Variants in WARS2 observed in about 807,000 individuals in gnomAD.
The protein encoded by WARS2 is tryptophan--tRNA ligase, mitochondrial.
WARS2 carries 28 observed loss-of-function variants against 36.5 expected under a neutral mutation model. The observed-to-expected ratio is 0.77, with a 90% CI of 0.57 to 1.05. The LOEUF is 1.05. Among genes scored for constraint, WARS2 ranks in the 50% least tolerant of loss-of-function variants. The pLI is 0.00. For synonymous variants in WARS2, 174 were observed against 178.4 expected (o/e 0.98, Z 0.20); for missense variants, 435 against 456.8 (o/e 0.95, Z 0.44).
At chr1:119,070,668 A>G (rs1001104419) in intron 2 of WARS2, among the ~76,000 whole-genome samples, 2 of 152,010 alleles carry the variant, frequency 1.3e-5, no homozygotes, top group Non-Finnish European at 2.9e-5. Context: ...GCTTGAGCCC[A>G]GGAGTTTGGG....
At chr1:119,051,337 T>A (rs149198201) in intron 2 of WARS2, among the ~76,000 whole-genome samples, 3,083 of 152,294 alleles carry the variant, frequency 0.02, 88 homozygotes, top group African/African-American at 0.07. Flanking sequence ...TCCAGCTCCG[T>A]CCATGTTCCT....
intron 2 of WARS2, among the ~76,000 whole-genome samples, chr1:119,057,472 C>G (rs1328909969): frequency 1.3e-5 from 2 of 151,706 alleles, no homozygotes; most frequent in African/African-American, 4.8e-5. Context: ...TGTGAAATGT[C>G]TACTCAAATA....
At chr1:119,109,405 T>C (rs1429272893) in intron 1 of WARS2, among the ~76,000 whole-genome samples, 1 of 152,010 alleles carries the variant, frequency 6.6e-6, no homozygotes, top group South Asian at 2.1e-4. Flanking sequence ...GATTATCATG[T>C]CTTTTTAGAG....
chr1:119,101,029 GGAAA>G (rs2101456041), intron 1 of WARS2, among the ~76,000 whole-genome samples: 1 of 152,228 alleles, frequency 6.6e-6, no homozygotes, highest in East Asian at 1.9e-4. Context: ...AGTAAAGAGT[GGAAA>G]GATAGATAAC....
intron 2 of WARS2, among the ~76,000 whole-genome samples, chr1:119,058,868 C>T (rs966914327): frequency 3.0e-4 from 45 of 148,766 alleles, no homozygotes; most frequent in Admixed American, 5.3e-4. Context: ...GTTCTAGATC[C>T]CTGAGGAATC....
chr1:119,119,124 A>G (rs1655173856), intron 1 of WARS2, among the ~76,000 whole-genome samples: 1 of 152,170 alleles, frequency 6.6e-6, no homozygotes, highest in African/African-American at 2.4e-5. Flanking sequence ...CTTAAAAGAT[A>G]CAGAATGGGA....
At chr1:119,047,579 TA>T (rs954108116) in intron 2 of WARS2, 1 of 152,178 alleles carries the variant, frequency 6.6e-6, no homozygotes, top group African/African-American at 2.4e-5. Flanking sequence ...AAAAAGTAGG[TA>T]AAAGGTCAAT....
chr1:119,085,176 G>C, intron 1 of WARS2: 1 of 802,140 alleles, frequency 1.2e-6, no homozygotes, highest in East Asian at 2.4e-5. Flanking sequence ...CTTATCCCTG[G>C]TCTTTTCTTC....
chr1:119,098,114 T>C (rs1299505438), intron 1 of WARS2, among the ~76,000 whole-genome samples: 1 of 151,980 alleles, frequency 6.6e-6, no homozygotes, highest in Non-Finnish European at 1.5e-5. Context: ...CCGAGCATGG[T>C]GGCACAGACC....
intron 1 of WARS2, chr1:119,085,177 T>C: frequency 1.2e-6 from 1 of 801,246 alleles, no homozygotes; most frequent in Non-Finnish European, 2.3e-6. Flanking sequence ...TTATCCCTGG[T>C]CTTTTCTTCT....
chr1:119,040,089 C>T lies in WARS2; in HGVS notation c.515+2175G>A, dbSNP rs145554653. ...TTAAAAATCAAACCTGAGTTTAAAT[C>T]CTGACTCTGCTACTTATTATTGAGC... is the stretch of plus-strand genomic sequence containing the variant. On this transcript the variant is annotated intron_variant, in intron 4 of 5. Transcript: ENST00000235521. 2.3e-3 allele frequency among the ~76,000 whole-genome samples: 343 copies of T among 152,296 alleles called. 1 individual carries two copies. The highest frequency in any genetic ancestry group is 7.7e-3 in the African/African-American group (318 of 41,566).
At chr1:119,074,943 G>A (rs916048285) in intron 2 of WARS2, among the ~76,000 whole-genome samples, 5 of 151,958 alleles carry the variant, frequency 3.3e-5, no homozygotes, top group Non-Finnish European at 5.9e-5. Flanking sequence ...CTAAACAATA[G>A]GTACACATGG....
intron 4 of WARS2, among the ~76,000 whole-genome samples, chr1:119,035,938 G>A (rs1647845990): frequency 3.3e-5 from 5 of 152,200 alleles, no homozygotes; most frequent in Admixed American, 3.3e-4. Context: ...AGGTGCATTG[G>A]CTCACGCTTG....
Position 119,033,107 on chromosome 1 carries a change from C to A in WARS2, c.887G>T (p.Gly296Val). 1 of 1,614,206 alleles carries A rather than the reference C, an allele frequency of 6.2e-7. No individual in the cohort carries two copies. Among genetic ancestry groups the A allele is most frequent in the Non-Finnish European group, 8.5e-7 (1 of 1,180,056 alleles). The stretch of plus-strand genomic sequence containing the variant: ...CAGCTTGTAGCGAGCAGTGTTCATG[C>A]CCGCGCTGCGGCGCACCACTTCCTC... The part of the protein sequence containing the change: ...SVEEVVRRSA[G>V]MNTARYKLAV... The change falls in exon 6 of 6, where the codon GGC becomes GTC. Residue 296 changes from glycine to valine, a missense_variant. By Grantham distance (109) the Gly-to-Val change is moderately radical. Transcript: ENST00000235521.
intron 1 of WARS2, among the ~76,000 whole-genome samples, chr1:119,126,057 T>A (rs1193301874): frequency 6.6e-6 from 1 of 152,198 alleles, no homozygotes; most frequent in Non-Finnish European, 1.5e-5. Context: ...ACTTTGATTT[T>A]TCCATTTTTT....
At chr1:119,133,634 G>A (rs1192126604) in intron 1 of WARS2, among the ~76,000 whole-genome samples, 11 of 152,228 alleles carry the variant, frequency 7.2e-5, no homozygotes, top group African/African-American at 2.6e-4. Context: ...CACATAGTAA[G>A]CATCCAATGA....
chr1:119,124,363 G>A (rs1029979289), intron 1 of WARS2, among the ~76,000 whole-genome samples: 11 of 152,024 alleles, frequency 7.2e-5, no homozygotes, highest in Non-Finnish European at 1.3e-4. Context: ...TATGGTGTGC[G>A]CCTGTAGTCC....
rs146906881 is a variant in WARS2, at chr1:119,041,100, T to A, written c.515+1164A>T. On this transcript the variant is annotated intron_variant, in intron 4 of 5. Coordinates refer to ENST00000235521, the MANE Select transcript of WARS2 (RefSeq NM_015836.4). ...GCAGCTGCTCTTTTGGCCGTTTCCATCATAATTGCACAAGGGCTCTGGAGT... is the reference window on the plus strand; with the variant it reads ...GCAGCTGCTCTTTTGGCCGTTTCCAACATAATTGCACAAGGGCTCTGGAGT... 2.4e-3 allele frequency among the ~76,000 whole-genome samples: 360 copies of A among 152,308 alleles called. 1 individual carries two copies. Among genetic ancestry groups the A allele is most frequent in the African/African-American group, 8.0e-3 (334 of 41,558 alleles).
At chr1:119,127,123 T>G (rs1414762959) in intron 1 of WARS2, 1 of 731,694 alleles carries the variant, frequency 1.4e-6, no homozygotes, top group African/African-American at 1.7e-5. Context: ...TCAGATGCAA[T>G]TTTGATTCCT....
Sources: gnomAD v4.1 joint callset for allele counts (sites outside exome capture counted in the v4.1 genomes callset) on GRCh38, gnomAD v4.1.1 for gene constraint, MANE v1.5 for transcripts, NCBI Gene and HGNC (gene_info 2026-07-23, HGNC 2026-07-21) for gene names.